Variants in DENND2D observed in about 807,000 individuals in gnomAD.
The protein encoded by DENND2D is DENN domain containing 2D.
DENND2D carries 37 observed loss-of-function variants against 59.8 expected under a neutral mutation model. That is an observed-to-expected ratio of 0.62 (90% confidence interval 0.48 to 0.81). The LOEUF (loss-of-function observed/expected upper bound fraction) is 0.81. DENND2D is among the 40% of genes least tolerant of loss of function. The pLI is 0.00. For synonymous variants in DENND2D, 219 were observed against 211.3 expected (o/e 1.04, Z -0.31); for missense variants, 525 against 579.7 (o/e 0.91, Z 0.97).
chr1:111,187,228 TA>T lies in DENND2D; in HGVS notation c.*376del, dbSNP rs2101433593. 1 of 195,048 alleles carries T rather than the reference TA, an allele frequency of 5.1e-6. No homozygotes were observed. Among genetic ancestry groups the T allele is most frequent in the African/African-American group, 2.3e-5 (1 of 43,298 alleles). 12.1% of individuals were successfully genotyped at this position (195,048 alleles called of 1,614,324 possible). On this transcript the variant is annotated 3_prime_UTR_variant, in exon 12 of 12. Coordinates refer to ENST00000357640, the MANE Select transcript of DENND2D (RefSeq NM_024901.5). Reference sequence around the variant, plus strand: ...TCCTTACATGTCCACAGACTTCATGTAGAGAGGCTGAGCCTTTCGACCACAA... The same window carrying T: ...TCCTTACATGTCCACAGACTTCATGTGAGAGGCTGAGCCTTTCGACCACAA...
At chr1:111,187,962 C>T (rs1298256386) in intron 11 of DENND2D, among the ~76,000 whole-genome samples, 169 bp downstream of exon 11, 1 of 152,200 alleles carries the variant, frequency 6.6e-6, no homozygotes, top group Non-Finnish European at 1.5e-5. Flanking sequence ...AAATGGCAGC[C>T]CATTAGACAT....
rs749836861 is a variant in DENND2D, at chr1:111,197,200, G to A, written c.480C>T (p.Ile160=). ...LPKVYCIISC[I]GCFGLFSKIL... ...CCTTGGAGAACAAGCCGAAGCAGCC[G>A]ATGCAGCTGATGATGCAGTACACTT... Residue 160 remains isoleucine (I), a synonymous_variant, in exon 5 of 12, where the codon ATC becomes ATT. Transcript: ENST00000357640. 2.4e-5 allele frequency: 38 copies of A among 1,613,730 alleles called. No homozygotes were observed. In the Middle Eastern group the frequency reaches 4.9e-4, roughly 21 times the overall value.
intron 7 of DENND2D, among the ~76,000 whole-genome samples, chr1:111,193,326 G>A (rs527863197): frequency 8.5e-5 from 13 of 152,274 alleles, no homozygotes; most frequent in South Asian, 6.2e-4. Flanking sequence ...GGAGTGGTGG[G>A]ATTTCCCTGA....
upstream of DENND2D, chr1:111,204,529 G>T: frequency 1.6e-6 from 1 of 620,818 alleles, no homozygotes; most frequent in Non-Finnish European, 2.4e-6. Flanking sequence ...CACCTGGGCG[G>T]GCCCGCTCTG....
At chr1:111,192,073 G>A in intron 8 of DENND2D, 67 bp downstream of exon 8, 3 of 1,408,308 alleles carry the variant, frequency 2.1e-6, no homozygotes, top group Non-Finnish European at 2.9e-6. Context: ...GCTGTAAGCA[G>A]CAGAGCTGGG....
upstream of DENND2D, among the ~76,000 whole-genome samples, chr1:111,203,744 G>A (rs1199593421): frequency 6.6e-6 from 1 of 152,170 alleles, no homozygotes; most frequent in Non-Finnish European, 1.5e-5. Context: ...TCCGCTGGAG[G>A]CCACACTCTG....
chr1:111,200,583 T>C lies in DENND2D; in HGVS notation c.-124A>G. On this transcript the variant is annotated 5_prime_UTR_variant, in exon 1 of 12. Coordinates refer to ENST00000357640, the MANE Select transcript of DENND2D (RefSeq NM_024901.5). ...AACTCTGTGAAGCCAAGCCACGCGC[T>C]GTCTTCCAGAGAGGGAATAGAAGTT... 2 of 1,500,598 alleles carry C rather than the reference T, an allele frequency of 1.3e-6. No homozygotes were observed. The highest frequency in any genetic ancestry group is 1.8e-6 in the Non-Finnish European group (2 of 1,117,808). 93.0% of individuals were successfully genotyped at this position (1,500,598 alleles called of 1,614,324 possible). A position where few individuals can be genotyped will look rare whatever the true frequency, so the allele number is the denominator to read the frequency against.
At position 111,188,917 on chromosome 1, in the gene DENND2D, C is replaced by A. The variant is rs1657473453; in HGVS notation, c.1015-131G>T. ...CGCAAATAGCCACATAGGACAGAAA[C>A]AACAGAAGCTGTTTCTTGGCCTTTA... On this transcript the variant is annotated intron_variant, in intron 9 of 11. Transcript: ENST00000357640. The A allele has an allele frequency of 5.0e-6, 4 of 803,094 alleles. No individual in the cohort carries two copies. In the South Asian group the frequency reaches 6.4e-5, roughly 13 times the overall value. The allele number at this position is 803,094 out of a possible 1,614,324, so 49.7% of individuals were successfully genotyped here. A position where few individuals can be genotyped will look rare whatever the true frequency, so the allele number is the denominator to read the frequency against.
chr1:111,201,901 T>C (rs1658843660), upstream of DENND2D, among the ~76,000 whole-genome samples: 1 of 152,208 alleles, frequency 6.6e-6, no homozygotes, highest in African/African-American at 2.4e-5. Flanking sequence ...CACTTGGAGC[T>C]GGCACCACAC....
At chr1:111,192,366 T>A (rs1482975250) in intron 7 of DENND2D, 49 bp from the exon 8 acceptor site, 1 of 1,495,682 alleles carries the variant, frequency 6.7e-7, no homozygotes, top group African/African-American at 1.4e-5. Flanking sequence ...TGCACCACCA[T>A]GCTACACACC....
intron 9 of DENND2D, 30 bp downstream of exon 9, chr1:111,189,182 C>G: frequency 6.2e-7 from 1 of 1,613,262 alleles, no homozygotes; most frequent in Non-Finnish European, 8.5e-7. Context: ...TGTTGATAGG[C>G]CTGCAGGGGA....
At chr1:111,203,711 A>C (rs1007610152), upstream of DENND2D, among the ~76,000 whole-genome samples, 16 of 152,218 alleles carry the variant, frequency 1.1e-4, no homozygotes, top group African/African-American at 3.4e-4. Flanking sequence ...GGAAAGCAGC[A>C]GCTGCGCAGG....
intron 6 of DENND2D, among the ~76,000 whole-genome samples, chr1:111,194,939 C>T (rs1300801550): frequency 7.9e-5 from 12 of 152,046 alleles, no homozygotes; most frequent in African/African-American, 2.2e-4. Context: ...CTCGCCTCCC[C>T]GAGCACACGC....
chr1:111,196,185 G>T, intron 5 of DENND2D, 129 bp from the exon 6 acceptor site: 1 of 1,228,354 alleles, frequency 8.1e-7, no homozygotes, highest in Non-Finnish European at 1.1e-6. Context: ...GTATCTTCTA[G>T]GGCCCTCCAC....
At chr1:111,190,699 G>A (rs1007250922) in intron 8 of DENND2D, among the ~76,000 whole-genome samples, 5 of 152,148 alleles carry the variant, frequency 3.3e-5, no homozygotes, top group African/African-American at 1.2e-4. Context: ...TTTTCCATTT[G>A]TGACCCTTGG....
At position 111,186,272 on chromosome 1, in the gene DENND2D, A is replaced by G. The variant is rs1657250639; in HGVS notation, c.*1333T>C. Among the ~76,000 whole-genome samples the G allele has an allele frequency of 6.6e-6, 1 of 150,468 alleles. No individual in the cohort carries two copies. The highest frequency in any genetic ancestry group is 1.9e-4 in the East Asian group (1 of 5,154). On this transcript the variant is annotated 3_prime_UTR_variant, in exon 12 of 12. Coordinates refer to ENST00000357640, the MANE Select transcript of DENND2D (RefSeq NM_024901.5). ...TTCTGAAACCTTTGGAGGTACAACTATATTTAGGCACCACTGCCATAAACT... is the reference window on the plus strand; with the variant it reads ...TTCTGAAACCTTTGGAGGTACAACTGTATTTAGGCACCACTGCCATAAACT...
At chr1:111,189,291 T>G in intron 8 of DENND2D, 38 bp from the exon 9 acceptor site, 1 of 1,611,802 alleles carries the variant, frequency 6.2e-7, no homozygotes, top group Non-Finnish European at 8.5e-7. Context: ...TGGTCCTCTT[T>G]CTTCATAGAC....
chr1:111,203,860 G>A (rs1264058726), upstream of DENND2D, among the ~76,000 whole-genome samples: 5 of 152,158 alleles, frequency 3.3e-5, no homozygotes, highest in Non-Finnish European at 5.9e-5. Context: ...CTGGCTCCGA[G>A]GAACTGGGCA....
upstream of DENND2D, chr1:111,204,377 G>A: frequency 1.4e-6 from 2 of 1,389,732 alleles, no homozygotes; most frequent in South Asian, 1.6e-5. Context: ...CCCGGCTCCC[G>A]CTCCCAGCTC....
Sources: gnomAD v4.1 joint callset for allele counts (sites outside exome capture counted in the v4.1 genomes callset) on GRCh38, gnomAD v4.1.1 for gene constraint, MANE v1.5 for transcripts, NCBI Gene and HGNC (gene_info 2026-07-23, HGNC 2026-07-21) for gene names.